The following LST1 variants were observed in gnomAD, a reference collection of about 807,000 sequenced individuals.
LST1 encodes leukocyte specific transcript 1.
In LST1, 9 loss-of-function variants were observed where a neutral mutation model predicts 8.5. The ratio of observed to expected loss-of-function variants is 1.06; its 90% CI spans 0.64 to 1.85. The LOEUF (loss-of-function observed/expected upper bound fraction) is 1.85, where lower values mean the gene tolerates loss of function less well. Among genes scored for constraint, LST1 ranks in the 40% most tolerant of loss-of-function variants. The pLI is 0.00. For synonymous variants in LST1, 53 were observed against 50.4 expected, an observed-to-expected ratio of 1.05 and a Z score of -0.21; for missense variants, 121 against 117.1, an observed-to-expected ratio of 1.03 and a Z score of -0.16.
rs1383370787 is a variant in LST1, at chr6:31,588,745, C to G, written c.*69C>G. The G allele has an allele frequency of 2.6e-6, 4 of 1,542,922 alleles. No individual in the cohort carries two copies. Among genetic ancestry groups the G allele is most frequent in the Non-Finnish European group, 3.6e-6 (4 of 1,116,190 alleles). ...CCCCTGTGGTCCAGCCAGTAAAAACCATGGTCCCCCCACTTCTGTGTCTCA... is the reference window on the plus strand; with the variant it reads ...CCCCTGTGGTCCAGCCAGTAAAAACGATGGTCCCCCCACTTCTGTGTCTCA... On this transcript the variant is annotated 3_prime_UTR_variant, in exon 5 of 5. Transcript: ENST00000438075.
Position 31,588,716 on chromosome 6 carries a change from G to C in LST1, c.*40G>C, listed in dbSNP as rs1427010347. Reference sequence around the variant, plus strand: ...TTCCTCAACCCAGGCGGGTGGACAGGGTCCCCCTGTGGTCCAGCCAGTAAA... The same window carrying C: ...TTCCTCAACCCAGGCGGGTGGACAGCGTCCCCCTGTGGTCCAGCCAGTAAA... On this transcript the variant is annotated 3_prime_UTR_variant, in exon 5 of 5. Coordinates refer to ENST00000438075, the MANE Select transcript of LST1 (RefSeq NM_205839.3). 1 of 1,610,684 alleles carries C rather than the reference G, an allele frequency of 6.2e-7. No individual in the cohort carries two copies. Among genetic ancestry groups the C allele is most frequent in the East Asian group, 2.2e-5 (1 of 44,872 alleles).
chr6:31,588,094 G>A, intron 4 of LST1, 128 bp downstream of exon 4: 2 of 946,862 alleles, frequency 2.1e-6, no homozygotes, highest in Non-Finnish European at 3.1e-6. Context: ...AGGAGCATGA[G>A]AGAGGCAGAG....
At chr6:31,587,879 G>A in intron 3 of LST1, 65 bp from the exon 4 acceptor site, 2 of 1,563,840 alleles carry the variant, frequency 1.3e-6, no homozygotes, top group Non-Finnish European at 1.7e-6. Context: ...CTGGTGGGGG[G>A]AGCCCGGGAG....
chr6:31,588,799 T>A lies in LST1; in HGVS notation c.*123T>A. 1 of 1,133,492 alleles carries A rather than the reference T, an allele frequency of 8.8e-7. No individual in the cohort carries two copies. Among genetic ancestry groups the A allele is most frequent in the South Asian group, 1.3e-5 (1 of 78,558 alleles). 70.2% of individuals were successfully genotyped at this position (1,133,492 alleles called of 1,614,324 possible). A position where few individuals can be genotyped will look rare whatever the true frequency, so the allele number is the denominator to read the frequency against. On this transcript the variant is annotated 3_prime_UTR_variant, in exon 5 of 5. Transcript: ENST00000438075. ...CTCTCAGTCCATCTCGAGCCTCCGT[T>A]CAAATTGATCATCATCAAAACTTAT...
chr6:31,587,643 A>G lies in LST1; in HGVS notation c.22A>G (p.Ile8Val), dbSNP rs1271341037. The G allele has an allele frequency of 2.5e-6, 4 of 1,592,384 alleles. No homozygotes were observed. Among genetic ancestry groups the G allele is most frequent in the South Asian group, 2.3e-5 (2 of 88,490 alleles). The change falls in exon 3 of 5, where the codon ATA becomes GTA. Residue 8 changes from isoleucine to valine, a missense_variant and splice_region_variant. Physicochemically the swap from Ile to Val is conservative, Grantham distance 29. Transcript: ENST00000438075. ...ACCTTGAGCCCTCTTCCCTGAAGATATATGTATCTACGGGGGCCTGGGGCT... is the reference window on the plus strand; with the variant it reads ...ACCTTGAGCCCTCTTCCCTGAAGATGTATGTATCTACGGGGGCCTGGGGCT... MLSRNDD[I>V]CIYGGLGLGG... is the part of the protein sequence containing the mutation.
rs771679020 is a variant in LST1, at chr6:31,587,287, G to T, written c.-13G>T. 1 of 1,604,748 alleles carries T rather than the reference G, an allele frequency of 6.2e-7. No individual in the cohort carries two copies. The highest frequency in any genetic ancestry group is 1.7e-5 in the Admixed American group (1 of 59,992). ...GTTCCTGACCTCCAGGCCAGTCCCT[G>T]ATCCCTGACCTAATGTTATCGCGGA... On this transcript the variant is annotated 5_prime_UTR_variant, in exon 2 of 5. Coordinates refer to ENST00000438075, the MANE Select transcript of LST1 (RefSeq NM_205839.3).
chr6:31,587,894 C>A, intron 3 of LST1, 50 bp from the exon 4 acceptor site: 1 of 1,588,354 alleles, frequency 6.3e-7, no homozygotes, highest in Non-Finnish European at 8.6e-7. Context: ...CGGGAGGGCC[C>A]GGGAGAAGCA....
intron 4 of LST1, 125 bp downstream of exon 4, chr6:31,588,091 TGA>T: frequency 1.0e-6 from 1 of 978,244 alleles, no homozygotes; most frequent in Non-Finnish European, 1.5e-6. Context: ...AGTAGGAGCA[TGA>T]GAGAGGCAGA....
chr6:31,587,795 G>A (rs1038665486), intron 3 of LST1, 62 bp downstream of exon 3: 13 of 1,371,364 alleles, frequency 9.5e-6, no homozygotes, highest in African/African-American at 4.4e-5. Flanking sequence ...ACCCCCACAC[G>A]CTTTCCCACT....
At chr6:31,587,536 C>A in intron 2 of LST1, 105 bp from the exon 3 acceptor site, 1 of 827,064 alleles carries the variant, frequency 1.2e-6, no homozygotes, top group South Asian at 1.6e-5. Context: ...TTTTCTGCCT[C>A]TAAAACTGTT....
Position 31,587,188 on chromosome 6 carries a change from C to G in LST1, c.-100-12C>G. On this transcript the variant is annotated splice_polypyrimidine_tract_variant and intron_variant, in intron 1 of 4. Coordinates refer to ENST00000438075, the MANE Select transcript of LST1 (RefSeq NM_205839.3). ...TGGGAACGATTATAACAGAGGGCCC[C>G]TCACTTCACAGATGAGGAACTTGAG... The G allele has an allele frequency of 1.1e-5, 8 of 756,806 alleles. No homozygotes were observed. In the South Asian group the frequency reaches 1.2e-4, roughly 11 times the overall value. The allele number at this position is 756,806 out of a possible 1,614,324, so 46.9% of individuals were successfully genotyped here. A position where few individuals can be genotyped will look rare whatever the true frequency, so the allele number is the denominator to read the frequency against.
rs368644290 is a variant in LST1 at position 31,588,705 on chromosome 6, C to T, written c.*29C>T. The T allele has an allele frequency of 2.6e-5, 42 of 1,612,506 alleles. No homozygotes were observed. In the African/African-American group the frequency reaches 4.0e-4, roughly 15 times the overall value. ...CCCCAGACACCTTCCTCAACCCAGG[C>T]GGGTGGACAGGGTCCCCCTGTGGTC... On this transcript the variant is annotated 3_prime_UTR_variant, in exon 5 of 5. Coordinates refer to ENST00000438075, the MANE Select transcript of LST1 (RefSeq NM_205839.3).
Position 31,588,713 on chromosome 6 carries a change from C to T in LST1, c.*37C>T, listed in dbSNP as rs758697440. 1.3e-5 allele frequency: 21 copies of T among 1,610,926 alleles called. No individual in the cohort carries two copies. Among genetic ancestry groups the T allele is most frequent in the African/African-American group, 4.0e-5 (3 of 74,908 alleles). On this transcript the variant is annotated 3_prime_UTR_variant, in exon 5 of 5. Coordinates refer to ENST00000438075, the MANE Select transcript of LST1 (RefSeq NM_205839.3). ...ACCTTCCTCAACCCAGGCGGGTGGA[C>T]AGGGTCCCCCTGTGGTCCAGCCAGT...
chr6:31,587,784 C>T, intron 3 of LST1, 51 bp downstream of exon 3: 4 of 1,495,354 alleles, frequency 2.7e-6, no homozygotes, highest in Non-Finnish European at 3.6e-6. Flanking sequence ...CCTGTGCCCC[C>T]ACCCCCACAC....
In LST1 at chr6:31,587,988, G is replaced by C. The variant is rs199806661; in HGVS notation, c.135+22G>C. 1,800 of 1,602,696 alleles carry C rather than the reference G, an allele frequency of 1.1e-3. 2 individuals carry two copies. The highest frequency in any genetic ancestry group is 1.9e-3 in the Admixed American group (109 of 58,370). ...CTGGGTGAGTCTGGGGACAGGGAAG[G>C]GGGAGGGCAAGAGAGATCCTGAGTG... On this transcript the variant is annotated intron_variant, in intron 4 of 4. Coordinates refer to ENST00000438075, the MANE Select transcript of LST1 (RefSeq NM_205839.3).
chr6:31,588,608 G>T lies in LST1; in HGVS notation c.226G>T (p.Asp76Tyr), dbSNP rs142917024. The change falls in exon 5 of 5, where the codon GAC becomes TAC. Residue 76 changes from aspartate to tyrosine, a missense_variant. Transcript: ENST00000438075. ...TGAGGGACCTGACCTCAGGGGCAGA[G>T]ACAAGAGAGGCACCAAGGAGGATCC... is the stretch of plus-strand genomic sequence containing the variant. ...SSEGPDLRGR[D>Y]KRGTKEDPRA... 4.1e-5 allele frequency: 66 copies of T among 1,613,122 alleles called. 1 individual carries two copies. In the African/African-American group the frequency reaches 7.5e-4, roughly 18 times the overall value.
rs770466510 is a variant in LST1, at chr6:31,588,758, C to T, written c.*82C>T. 3 of 1,454,724 alleles carry T rather than the reference C, an allele frequency of 2.1e-6. No individual in the cohort carries two copies. The highest frequency in any genetic ancestry group is 2.9e-6 in the Non-Finnish European group (3 of 1,035,768). The allele number at this position is 1,454,724 out of a possible 1,614,324, so 90.1% of individuals were successfully genotyped here. On this transcript the variant is annotated 3_prime_UTR_variant, in exon 5 of 5. Transcript: ENST00000438075. ...GCCAGTAAAAACCATGGTCCCCCCA[C>T]TTCTGTGTCTCAGTCCTCTCAGTCC...
intron 4 of LST1, 26 bp downstream of exon 4, chr6:31,587,992 A>AG (rs1176504703): frequency 1.0e-5 from 16 of 1,591,374 alleles, no homozygotes; most frequent in Non-Finnish European, 1.4e-5. Flanking sequence ...GGGAAGGGGG[A>AG]GGGCAAGAGA....
rs371625674 is a variant in LST1 at position 31,587,337 on chromosome 6, G to C, written c.19+19G>C. 1.9e-4 allele frequency: 306 copies of C among 1,613,088 alleles called. 1 individual carries two copies. The African/African-American group carries it at 3.9e-3, about 21-fold the overall frequency. On this transcript the variant is annotated intron_variant, in intron 2 of 4. Transcript: ENST00000438075. ...AATGATGGTAAGTAAAGTGTCTCTT[G>C]CATCTGCATAGAGAGAGTCCTGGGA...
Sources: gnomAD v4.1 joint callset for allele counts on GRCh38, gnomAD v4.1.1 for gene constraint, MANE v1.5 for transcripts, NCBI Gene and HGNC (gene_info 2026-07-23, HGNC 2026-07-21) for gene names.